ILDR2: variants seen among roughly 807,000 people sequenced by gnomAD.
The protein encoded by ILDR2 is immunoglobulin-like domain-containing receptor 2.
ILDR2 carries 25 observed loss-of-function variants against 66.8 expected under a neutral mutation model. The observed-to-expected ratio is 0.37, with a 90% CI of 0.27 to 0.52. The LOEUF (loss-of-function observed/expected upper bound fraction) is 0.52, where lower values mean the gene tolerates loss of function less well. ILDR2 is among the 20% of genes least tolerant of loss of function. ILDR2 has a pLI of 0.88. For missense variants in ILDR2, 827 were observed against 876.8 expected, an observed-to-expected ratio of 0.94 and a Z score of 0.72; for synonymous variants, 367 against 357.2, an observed-to-expected ratio of 1.03 and a Z score of -0.31.
chr1:166,953,982 C>T (rs1413847423), intron 3 of ILDR2, among the ~76,000 whole-genome samples: 2 of 152,226 alleles, frequency 1.3e-5, no homozygotes, highest in Non-Finnish European at 2.9e-5. Flanking sequence ...GTTACTTCCA[C>T]TCCTGATTCC....
chr1:166,942,373 A>G (rs1014892837), intron 3 of ILDR2, among the ~76,000 whole-genome samples: 1 of 152,236 alleles, frequency 6.6e-6, no homozygotes, highest in Non-Finnish European at 1.5e-5. Context: ...GTAGCTAGAG[A>G]TGTCATCAGG....
Position 166,957,830 on chromosome 1 carries a change from T to C in ILDR2, c.318A>G (p.Lys106=). The C allele has an allele frequency of 1.2e-6, 2 of 1,614,182 alleles. No individual in the cohort carries two copies. The highest frequency in any genetic ancestry group is 1.7e-6 in the Non-Finnish European group (2 of 1,180,020). ...SRRTVRVVAS[K]QGSTVTLGDF... ...CTCCCAGGGTGACAGTCGAGCCCTG[T>C]TTTGAAGCTACTACTCGAACAGTCC... The change falls in exon 2 of 10, where the codon AAA becomes AAG. Residue 106 remains lysine (K), a synonymous_variant. Transcript: ENST00000271417.
At chr1:166,973,766 G>A (rs1663450339) in intron 1 of ILDR2, among the ~76,000 whole-genome samples, 1 of 152,100 alleles carries the variant, frequency 6.6e-6, no homozygotes, top group African/African-American at 2.4e-5. Context: ...GGAGGCCAGG[G>A]GAGCGGGGTG....
chr1:166,946,590 A>G (rs1571165075), intron 3 of ILDR2, among the ~76,000 whole-genome samples: 1 of 152,312 alleles, frequency 6.6e-6, no homozygotes, highest in East Asian at 1.9e-4. Context: ...AAAGGATCTT[A>G]GAGGTCATCT....
chr1:166,969,219 G>T (rs1466873411), intron 1 of ILDR2, among the ~76,000 whole-genome samples: 1 of 152,108 alleles, frequency 6.6e-6, no homozygotes, highest in Non-Finnish European at 1.5e-5. Flanking sequence ...GTGAGGCAAG[G>T]GCATGGAAGG....
At chr1:166,970,112 G>A (rs1489945566) in intron 1 of ILDR2, among the ~76,000 whole-genome samples, 1 of 152,190 alleles carries the variant, frequency 6.6e-6, no homozygotes, top group African/African-American at 2.4e-5. Flanking sequence ...GGGACTAGAA[G>A]GGACATTCTA....
intron 1 of ILDR2, among the ~76,000 whole-genome samples, chr1:166,974,508 A>G (rs536569045): frequency 1.3e-5 from 2 of 152,378 alleles, no homozygotes; most frequent in East Asian, 3.9e-4. Flanking sequence ...GCTGGGGAGA[A>G]GCCCAATGCC....
At chr1:166,899,070 A>G (rs1659217799) in intron 2 of ILDR2, among the ~76,000 whole-genome samples, 1 of 151,924 alleles carries the variant, frequency 6.6e-6, no homozygotes, top group South Asian at 2.1e-4. Flanking sequence ...CAAAAAGCCA[A>G]TAATTATGAT....
At chr1:166,900,875 C>T (rs116047930) in intron 2 of ILDR2, among the ~76,000 whole-genome samples, 132 of 152,278 alleles carry the variant, frequency 8.7e-4, no homozygotes, top group African/African-American at 3.2e-3. Flanking sequence ...ATTAAAACTC[C>T]AGTTTATTTC....
intron 9 of ILDR2, among the ~76,000 whole-genome samples, chr1:166,919,971 C>CA (rs1335734860): frequency 2.0e-5 from 3 of 152,162 alleles, no homozygotes; most frequent in Admixed American, 2.0e-4. Context: ...TGGTACCCCA[C>CA]AGCGGACATT....
In ILDR2 at chr1:166,975,282, C is replaced by T. The variant is rs1663528394; in HGVS notation, c.-14G>A. 1 of 1,612,734 alleles carries T rather than the reference C, an allele frequency of 6.2e-7. No homozygotes were observed. Among genetic ancestry groups the T allele is most frequent in the Non-Finnish European group, 8.5e-7 (1 of 1,178,950 alleles). On this transcript the variant is annotated 5_prime_UTR_variant, in exon 1 of 10. Coordinates refer to ENST00000271417, the MANE Select transcript of ILDR2 (RefSeq NM_199351.3). ...GACCCTATCCATCTTCCCCAACTTC[C>T]CAGCCGAATTACGGAGTGAGGAAAG...
chr1:166,956,076 A>G (rs1662262727), intron 3 of ILDR2, among the ~76,000 whole-genome samples: 1 of 152,218 alleles, frequency 6.6e-6, no homozygotes, highest in Admixed American at 6.5e-5. Flanking sequence ...AATCCACAAA[A>G]AAGGAAAGTA....
chr1:166,957,720 A>C, intron 2 of ILDR2, 49 bp downstream of exon 2: 1 of 1,482,884 alleles, frequency 6.7e-7, no homozygotes, highest in Non-Finnish European at 9.3e-7. Context: ...GGGAAGAATG[A>C]AACTAACCTC....
chr1:166,951,588 T>C (rs1198527570), intron 3 of ILDR2, among the ~76,000 whole-genome samples: 1 of 152,240 alleles, frequency 6.6e-6, no homozygotes, highest in Non-Finnish European at 1.5e-5. Flanking sequence ...TTTTCTGTTT[T>C]GTTTGAAATT....
Position 166,956,776 on chromosome 1 carries a change from G to A in ILDR2, c.456C>T (p.Asp152=). The A allele has an allele frequency of 6.2e-7, 1 of 1,613,916 alleles. No homozygotes were observed. The change falls in exon 3 of 10, where the codon GAC becomes GAT. Residue 152 remains aspartate, a synonymous_variant. Transcript: ENST00000271417. ...LYYCIITTPD[D]LEGKNEDSVE... is the part of the protein sequence containing the mutation. ...CTGAGTCCTCATTTTTCCCCTCCAG[G>A]TCATCTGGGGTGGTGATAATACAGT...
chr1:166,957,630 C>T (rs186439292), intron 2 of ILDR2, 139 bp downstream of exon 2: 155 of 711,050 alleles, frequency 2.2e-4, no homozygotes, highest in Middle Eastern at 1.6e-3. Flanking sequence ...TCTCTTGATG[C>T]TCCCATTTCC....
intron 3 of ILDR2, among the ~76,000 whole-genome samples, chr1:166,943,214 C>T (rs908258150): frequency 1.3e-5 from 2 of 152,058 alleles, no homozygotes; most frequent in Non-Finnish European, 2.9e-5. Context: ...TAGCTTTGGC[C>T]GGGCACGGTG....
At position 166,975,383 on chromosome 1, in the gene ILDR2, T is replaced by A; in HGVS notation, c.-115A>T. ...GCGGCGGAGCGGCGGGCACCGGGCGTCCCTGGGCGCAGCGCCCGCCGGGCC... is the reference window on the plus strand; with the variant it reads ...GCGGCGGAGCGGCGGGCACCGGGCGACCCTGGGCGCAGCGCCCGCCGGGCC... On this transcript the variant is annotated 5_prime_UTR_variant, in exon 1 of 10. Transcript: ENST00000271417. The A allele has an allele frequency of 1.7e-6, 1 of 584,050 alleles. No homozygotes were observed. Among genetic ancestry groups the A allele is most frequent in the East Asian group, 8.4e-5 (1 of 11,936 alleles). The allele number at this position is 584,050 out of a possible 1,614,324, so 36.2% of individuals were successfully genotyped here.
chr1:166,926,037 G>T (rs772961510), intron 7 of ILDR2, among the ~76,000 whole-genome samples: 2 of 152,154 alleles, frequency 1.3e-5, no homozygotes, highest in Non-Finnish European at 2.9e-5. Flanking sequence ...TTTTATAGTC[G>T]GTGTGGTGGG....
Sources: allele counts gnomAD v4.1 joint callset (sites outside exome capture counted in the v4.1 genomes callset), GRCh38; gene constraint gnomAD v4.1.1; transcripts MANE v1.5; gene names NCBI Gene and HGNC (gene_info 2026-07-23, HGNC 2026-07-21).